Variants in RSL1D1 observed in about 807,000 individuals in gnomAD.
RSL1D1 encodes ribosomal L1 domain-containing protein 1.
Under a neutral mutation model 44.6 loss-of-function variants are expected in RSL1D1, and 34 were observed. The ratio of observed to expected loss-of-function variants is 0.76; its 90% CI spans 0.58 to 1.02. The LOEUF (loss-of-function observed/expected upper bound fraction) is 1.02. Ranked by LOEUF, RSL1D1 falls within the 50% of genes least tolerant of loss-of-function variation. The pLI is 0.00. For synonymous variants in RSL1D1, 271 were observed against 207.4 expected (o/e 1.31, Z -2.63); for missense variants, 767 against 568.1 (o/e 1.35, Z -3.56).
chr16:11,849,263 G>GT (rs2053819284), intron 2 of RSL1D1: 1 of 152,036 alleles, frequency 6.6e-6, no homozygotes, highest in Non-Finnish European at 1.5e-5. Context: ...TGCACCTGTA[G>GT]TCCCAGCTAC....
rs2053800224 is a variant in RSL1D1, at chr16:11,846,593, T to C, written c.543A>G (p.Val181=). The change falls in exon 5 of 9, where the codon GTA becomes GTG. Residue 181 remains valine, a synonymous_variant. Transcript: ENST00000571133. ...RHFYQRKKVP[V]SVNLLSKNLS... The stretch of plus-strand genomic sequence containing the variant: ...AATTCTTGGACAGAAGGTTTACAGA[T>C]ACTGGAACTCTACAAAATAAACACA... 6.2e-7 allele frequency: 1 copy of C among 1,609,792 alleles called. No homozygotes were observed. The highest frequency in any genetic ancestry group is 8.5e-7 in the Non-Finnish European group (1 of 1,176,594).
At chr16:11,848,561 G>A (rs1395086393) in intron 2 of RSL1D1, among the ~76,000 whole-genome samples, 1 of 152,070 alleles carries the variant, frequency 6.6e-6, no homozygotes, top group Non-Finnish European at 1.5e-5. Flanking sequence ...GTTTTGCTCA[G>A]TACCCAAGGC....
chr16:11,850,167 G>C, intron 2 of RSL1D1, 112 bp downstream of exon 2: 1 of 1,081,310 alleles, frequency 9.2e-7, no homozygotes, highest in African/African-American at 1.6e-5. Context: ...CTTCACGTCA[G>C]ATTTTTATTA....
At chr16:11,840,868 G>A (rs954684293) in intron 7 of RSL1D1, among the ~76,000 whole-genome samples, 1 of 152,186 alleles carries the variant, frequency 6.6e-6, no homozygotes. Flanking sequence ...CTTTTCTAGG[G>A]TTGGCTCTTG....
chr16:11,841,592 A>G (rs1364745719), intron 7 of RSL1D1, 103 bp downstream of exon 7: 1 of 1,067,656 alleles, frequency 9.4e-7, no homozygotes, highest in Non-Finnish European at 1.4e-6. Flanking sequence ...CAAAACCAGA[A>G]GATAACTGAA....
chr16:11,840,087 A>T, intron 7 of RSL1D1, 102 bp from the exon 8 acceptor site: 3 of 1,503,298 alleles, frequency 2.0e-6, no homozygotes, highest in South Asian at 1.3e-5. Context: ...ATAAGCCCCT[A>T]AATGGACCTC....
In RSL1D1 at chr16:11,835,986, T is replaced by C. The variant is rs1043409865; in HGVS notation, c.*1801A>G. The C allele has an allele frequency of 4.6e-5, 7 of 152,192 alleles. No homozygotes were observed. The highest frequency in any genetic ancestry group is 1.5e-5 in the Non-Finnish European group (1 of 68,038). 9.4% of individuals were successfully genotyped at this position (152,192 alleles called of 1,614,324 possible). Reference sequence around the variant, plus strand: ...AAATCCAGGGCCTGTGGCTCTGGAATGTCTAGACTTGCTGGCTCCTTGCTC... The same window carrying C: ...AAATCCAGGGCCTGTGGCTCTGGAACGTCTAGACTTGCTGGCTCCTTGCTC... On this transcript the variant is annotated 3_prime_UTR_variant, in exon 9 of 9. Transcript: ENST00000571133.
intron 8 of RSL1D1, among the ~76,000 whole-genome samples, chr16:11,839,036 T>A (rs1490738624): frequency 6.6e-6 from 1 of 152,004 alleles, no homozygotes; most frequent in Non-Finnish European, 1.5e-5. Flanking sequence ...CCCTGGCACA[T>A]GGTGTAGGGC....
rs143548257 is a variant in RSL1D1 at position 11,851,506 on chromosome 16, C to T, written c.7G>A (p.Asp3Asn). The T allele has an allele frequency of 1.9e-6, 3 of 1,613,458 alleles. No individual in the cohort carries two copies. Among genetic ancestry groups the T allele is most frequent in the African/African-American group, 1.3e-5 (1 of 74,908 alleles). The stretch of plus-strand genomic sequence containing the variant: ...GAAGACAGCGAGGCCGAGGCCGAAT[C>T]CTCCATCTTGTTTCCACCTCGTGAA... MEDSASASLSSAA... is the reference protein window; with the variant it reads MENSASASLSSAA... The change falls in exon 1 of 9, where the codon GAT becomes AAT. Residue 3 changes from aspartate (D) to asparagine (N), a missense_variant. Transcript: ENST00000571133.
At chr16:11,850,221 G>C (rs1393896258) in intron 2 of RSL1D1, 58 bp downstream of exon 2, 4 of 1,466,154 alleles carry the variant, frequency 2.7e-6, no homozygotes, top group East Asian at 2.5e-5. Flanking sequence ...GCAATTGTTC[G>C]AGTTACAAAG....
intron 7 of RSL1D1, among the ~76,000 whole-genome samples, chr16:11,840,673 G>A (rs2053758980): frequency 2.0e-5 from 3 of 152,178 alleles, no homozygotes; most frequent in Non-Finnish European, 4.4e-5. Context: ...CTCTCCTTCC[G>A]AAAGCTTCTT....
At chr16:11,839,671 G>A (rs1428997882) in intron 8 of RSL1D1, 24 bp downstream of exon 8, 1 of 1,611,602 alleles carries the variant, frequency 6.2e-7, no homozygotes, top group Non-Finnish European at 8.5e-7. Context: ...AATCCATTAT[G>A]AACAGTAAAT....
In RSL1D1 at chr16:11,846,513, C is replaced by A; in HGVS notation, c.623G>T (p.Ser208Ile). 2 of 1,571,228 alleles carry A rather than the reference C, an allele frequency of 1.3e-6. No homozygotes were observed. Among genetic ancestry groups the A allele is most frequent in the South Asian group, 1.2e-5 (1 of 86,106 alleles). Residue 208 changes from serine (S) to isoleucine (I), a missense_variant, in exon 5 of 9, where the codon AGT (serine) becomes ATT (isoleucine). Transcript: ENST00000571133. ...GCCTTTTACCTACCTGCAAGAACCA[C>A]TTTTAGAAATGTTTAAGACTGTTCC... is the stretch of plus-strand genomic sequence containing the variant. ...IGGTVLNISK[S>I]GSCSAIRIGH...
At position 11,846,503 on chromosome 16, in the gene RSL1D1, G is replaced by C. The variant is rs770837799; in HGVS notation, c.633C>G (p.Cys211Trp). ...TVLNISKSGS[C>W]SAIRIGHVGM... ...ACACATGAATGCCTTTTACCTACCTGCAAGAACCACTTTTAGAAATGTTTA... is the reference window on the plus strand; with the variant it reads ...ACACATGAATGCCTTTTACCTACCTCCAAGAACCACTTTTAGAAATGTTTA... Residue 211 changes from cysteine (C) to tryptophan (W), a missense_variant and splice_region_variant, in exon 5 of 9, where the codon TGC becomes TGG. Coordinates refer to ENST00000571133, the MANE Select transcript of RSL1D1 (RefSeq NM_015659.3). 5 of 1,540,982 alleles carry C rather than the reference G, an allele frequency of 3.2e-6. No individual in the cohort carries two copies. The highest frequency in any genetic ancestry group is 3.4e-4 in the Middle Eastern group (2 of 5,828).
At chr16:11,842,982 C>T (rs369849798) in intron 5 of RSL1D1, among the ~76,000 whole-genome samples, 8 of 147,300 alleles carry the variant, frequency 5.4e-5, no homozygotes, top group African/African-American at 2.0e-4. Context: ...AGTGCAATGG[C>T]GTGATCTTGG....
chr16:11,851,407 C>A lies in RSL1D1; in HGVS notation c.105+1G>T. On this transcript the variant is annotated splice_donor_variant, in intron 1 of 8. Transcript: ENST00000571133. LOFTEE classifies it high-confidence loss of function. The stretch of plus-strand genomic sequence containing the variant: ...AGCCACCCTCCCCAGGAACCACTCA[C>A]CTGTTCTTTATCCAGCTGCTTCCGT... The A allele has an allele frequency of 6.2e-7, 1 of 1,613,974 alleles. No homozygotes were observed. The highest frequency in any genetic ancestry group is 8.5e-7 in the Non-Finnish European group (1 of 1,179,826).
chr16:11,851,497 A>C lies in RSL1D1; in HGVS notation c.16T>G (p.Ser6Ala), dbSNP rs371371503. 2 of 1,613,708 alleles carry C rather than the reference A, an allele frequency of 1.2e-6. No homozygotes were observed. The highest frequency in any genetic ancestry group is 1.7e-6 in the Non-Finnish European group (2 of 1,179,960). Reference protein sequence around the residue: MEDSASASLSSAAATG... With the variant: MEDSAAASLSSAAATG... Reference sequence around the variant, plus strand: ...GCGGCTGCAGAAGACAGCGAGGCCGAGGCCGAATCCTCCATCTTGTTTCCA... The same window carrying C: ...GCGGCTGCAGAAGACAGCGAGGCCGCGGCCGAATCCTCCATCTTGTTTCCA... Residue 6 changes from serine (S) to alanine (A), a missense_variant, in exon 1 of 9, where the codon TCG becomes GCG. Transcript: ENST00000571133.
At chr16:11,844,194 G>C (rs373023124) in intron 5 of RSL1D1, among the ~76,000 whole-genome samples, 3 of 152,228 alleles carry the variant, frequency 2.0e-5, no homozygotes, top group East Asian at 1.9e-4. Context: ...GAAAGATGGT[G>C]GGGGGGAAGA....
In RSL1D1 at chr16:11,837,744, C is replaced by T. The variant is rs571892313; in HGVS notation, c.*43G>A. On this transcript the variant is annotated 3_prime_UTR_variant, in exon 9 of 9. Transcript: ENST00000571133. Reference sequence around the variant, plus strand: ...AGGATCTGAGTATTTCCAAAAAGCTCTGGAGGCAGCATTGAGGTTTCCTTC... The same window carrying T: ...AGGATCTGAGTATTTCCAAAAAGCTTTGGAGGCAGCATTGAGGTTTCCTTC... The T allele has an allele frequency of 2.0e-6, 3 of 1,512,592 alleles. No homozygotes were observed. The Admixed American group carries it at 6.0e-5, about 30-fold the overall frequency. The allele number at this position is 1,512,592 out of a possible 1,614,324, so 93.7% of individuals were successfully genotyped here. A position where few individuals can be genotyped will look rare whatever the true frequency, so the allele number is the denominator to read the frequency against.
Sources: gnomAD v4.1 joint callset for allele counts (sites outside exome capture counted in the v4.1 genomes callset) on GRCh38, gnomAD v4.1.1 for gene constraint, MANE v1.5 for transcripts, NCBI Gene and HGNC (gene_info 2026-07-23, HGNC 2026-07-21) for gene names.